The following SLC22A23 variants were observed in gnomAD, a reference collection of about 807,000 sequenced individuals.
The protein encoded by SLC22A23 is solute carrier family 22 member 23.
A neutral mutation model predicts 61.0 loss-of-function variants in SLC22A23; 26 were observed. The ratio of observed to expected loss-of-function variants is 0.43; its 90% CI spans 0.31 to 0.59. The LOEUF is 0.59. SLC22A23 is among the 20% of genes least tolerant of loss of function. The pLI is 0.11. For missense variants in SLC22A23, 796 were observed against 934.7 expected (o/e 0.85, Z 1.94); for synonymous variants, 430 against 413.9 (o/e 1.04, Z -0.47).
intron 3 of SLC22A23, among the ~76,000 whole-genome samples, chr6:3,366,156 C>T (rs11754091): frequency 0.34 from 50,901 of 151,368 alleles, 8,721 homozygotes; most frequent in Middle Eastern, 0.42. Context: ...TGGTGAAACC[C>T]TGTCTCTACT....
In SLC22A23 at chr6:3,272,163, A is replaced by C. The variant is rs975061824; in HGVS notation, c.*892T>G. 6.6e-6 allele frequency: 1 copy of C among 152,294 alleles called. No homozygotes were observed. The highest frequency in any genetic ancestry group is 1.9e-4 in the East Asian group (1 of 5,300). 9.4% of individuals were successfully genotyped at this position (152,294 alleles called of 1,614,324 possible). A position where few individuals can be genotyped will look rare whatever the true frequency, so the allele number is the denominator to read the frequency against. On this transcript the variant is annotated 3_prime_UTR_variant, in exon 10 of 10. Coordinates refer to ENST00000406686, the MANE Select transcript of SLC22A23 (RefSeq NM_015482.2). The stretch of plus-strand genomic sequence containing the variant: ...CTGCCATCTTTTTGAGTTATTTTCT[A>C]ATGGTTTGTAGCTTAGAAAGTAGCC...
intron 4 of SLC22A23, 53 bp downstream of exon 4, chr6:3,323,781 C>T (rs1365162574): frequency 3.2e-6 from 5 of 1,558,768 alleles, no homozygotes; most frequent in South Asian, 2.4e-5. Flanking sequence ...GCCGGGCCTT[C>T]AGGAAGCATG....
At chr6:3,398,955 G>C (rs1768196480) in intron 3 of SLC22A23, among the ~76,000 whole-genome samples, 1 of 152,178 alleles carries the variant, frequency 6.6e-6, no homozygotes, top group Non-Finnish European at 1.5e-5. Flanking sequence ...TTTGAGGCCA[G>C]GAGGTCGAGA....
chr6:3,347,632 C>T (rs1240533631), intron 3 of SLC22A23, among the ~76,000 whole-genome samples: 1 of 152,232 alleles, frequency 6.6e-6, no homozygotes, highest in African/African-American at 2.4e-5. Context: ...TGGCTACCTC[C>T]TGGTTCTTCT....
chr6:3,397,024 G>A (rs933875204), intron 3 of SLC22A23, among the ~76,000 whole-genome samples: 1 of 152,150 alleles, frequency 6.6e-6, no homozygotes, highest in African/African-American at 2.4e-5. Context: ...GCCCACCGGG[G>A]CTTCAGGAGC....
intron 1 of SLC22A23, among the ~76,000 whole-genome samples, chr6:3,442,261 A>G (rs774580243): frequency 6.6e-6 from 1 of 151,922 alleles, no homozygotes; most frequent in African/African-American, 2.4e-5. Context: ...TTGCCAGAGG[A>G]GGGGAATGGG....
chr6:3,293,643 C>A (rs567662602), intron 5 of SLC22A23, among the ~76,000 whole-genome samples: 1 of 152,254 alleles, frequency 6.6e-6, no homozygotes, highest in Non-Finnish European at 1.5e-5. Context: ...CTGAGTGAGC[C>A]GTGGCGGTCG....
chr6:3,345,363 CTTTTTTTTT>C (rs1163840651), intron 3 of SLC22A23, among the ~76,000 whole-genome samples: 1 of 124,762 alleles, frequency 8.0e-6, no homozygotes, highest in Non-Finnish European at 1.6e-5. Context: ...TATCTCTTTT[CTTTTTTTTT>C]TTTTTTTTTT....
chr6:3,361,326 C>T (rs994263388), intron 3 of SLC22A23, among the ~76,000 whole-genome samples: 7 of 150,876 alleles, frequency 4.6e-5, no homozygotes, highest in Admixed American at 6.6e-5. Flanking sequence ...GGAATTGGGT[C>T]CCTTCCATCT....
At chr6:3,376,543 G>C (rs747603374) in intron 3 of SLC22A23, among the ~76,000 whole-genome samples, 11 of 152,044 alleles carry the variant, frequency 7.2e-5, no homozygotes, top group Non-Finnish European at 1.3e-4. Flanking sequence ...TCCTTCCATA[G>C]GGAGACTTTC....
chr6:3,289,382 C>T (rs1760354791), intron 6 of SLC22A23, among the ~76,000 whole-genome samples: 2 of 152,254 alleles, frequency 1.3e-5, no homozygotes, highest in Admixed American at 6.5e-5. Context: ...AAGGGCGGGG[C>T]CGGCTACAGG....
At chr6:3,365,145 C>T in intron 3 of SLC22A23, among the ~76,000 whole-genome samples, 1 of 152,098 alleles carries the variant, frequency 6.6e-6, no homozygotes, top group East Asian at 1.9e-4. Context: ...ATGGTGAAAC[C>T]CCGTCTCTAC....
At chr6:3,362,220 A>G (rs192950671) in intron 3 of SLC22A23, among the ~76,000 whole-genome samples, 105 of 151,732 alleles carry the variant, frequency 6.9e-4, no homozygotes, top group Non-Finnish European at 1.3e-3. Flanking sequence ...CCTGGGCAAC[A>G]TGGTGAAACC....
intron 3 of SLC22A23, among the ~76,000 whole-genome samples, chr6:3,353,436 G>A (rs1764893188): frequency 2.0e-5 from 3 of 152,178 alleles, no homozygotes; most frequent in South Asian, 2.1e-4. Flanking sequence ...GGCTTGAGCG[G>A]TTTGGCTTCA....
At chr6:3,335,392 G>C (rs1486175734) in intron 3 of SLC22A23, among the ~76,000 whole-genome samples, 2 of 152,020 alleles carry the variant, frequency 1.3e-5, no homozygotes, top group African/African-American at 4.8e-5. Context: ...TGAATTTCCT[G>C]CCCACGTGGA....
intron 2 of SLC22A23, among the ~76,000 whole-genome samples, chr6:3,415,492 G>A (rs1022116468): frequency 1.3e-5 from 2 of 152,360 alleles, no homozygotes; most frequent in Non-Finnish European, 2.9e-5. Context: ...AAGGTTAGAA[G>A]TAGATGGGGC....
intron 3 of SLC22A23, among the ~76,000 whole-genome samples, chr6:3,369,860 A>G (rs532136307): frequency 3.9e-5 from 6 of 152,388 alleles, no homozygotes; most frequent in South Asian, 2.1e-4. Context: ...ATGGTTTTCA[A>G]TGAATCTCAA....
chr6:3,350,708 T>C (rs932411856), intron 3 of SLC22A23, among the ~76,000 whole-genome samples: 1 of 152,232 alleles, frequency 6.6e-6, no homozygotes, highest in Non-Finnish European at 1.5e-5. Flanking sequence ...TAGTTATCCT[T>C]CAGTTTCTAA....
chr6:3,427,634 A>G lies in SLC22A23; in HGVS notation c.655-11779T>C, dbSNP rs559424133. On this transcript the variant is annotated intron_variant, in intron 1 of 9. Transcript: ENST00000406686. The surrounding 1 kb of genome is among the most constrained non-coding windows in gnomAD (Gnocchi z 4.3). ...CACCTCTCAGGATGCCGTGCCCTTC[A>G]CTTTGACCTCCTCAGCAGCATCCTG... is the stretch of plus-strand genomic sequence containing the variant. 6.6e-6 allele frequency among the ~76,000 whole-genome samples: 1 copy of G among 152,106 alleles called. No homozygotes were observed. Among genetic ancestry groups the G allele is most frequent in the South Asian group, 2.1e-4 (1 of 4,820 alleles).
Sources: allele counts gnomAD v4.1 joint callset (sites outside exome capture counted in the v4.1 genomes callset), GRCh38; gene constraint gnomAD v4.1.1; non-coding constraint Gnocchi (gnomAD v3.1); transcripts MANE v1.5; gene names NCBI Gene and HGNC (gene_info 2026-07-23, HGNC 2026-07-21).